PDE7B: variants seen among roughly 807,000 people sequenced by gnomAD.
PDE7B encodes phosphodiesterase 7B.
In PDE7B, 29 loss-of-function variants were observed where a neutral mutation model predicts 56.2. The observed-to-expected ratio is 0.52, with a 90% CI of 0.38 to 0.70. The LOEUF (loss-of-function observed/expected upper bound fraction) is 0.70, where lower values mean the gene tolerates loss of function less well. Ranked by LOEUF, PDE7B falls within the 30% of genes least tolerant of loss-of-function variation. The probability of loss-of-function intolerance (pLI) is 0.00; values close to 1 mark genes in which losing one functional copy is unlikely to be tolerated. For synonymous variants in PDE7B, 197 were observed against 196.9 expected (o/e 1.00, Z 0.00); for missense variants, 490 against 565.0 (o/e 0.87, Z 1.35).
chr6:135,879,971 C>A (rs1281086247), intron 1 of PDE7B, among the ~76,000 whole-genome samples: 3 of 152,074 alleles, frequency 2.0e-5, no homozygotes, highest in African/African-American at 7.2e-5. Context: ...CTATAAATAT[C>A]TACCCCCAAA....
chr6:136,011,133 CT>C (rs1775885742), intron 2 of PDE7B, among the ~76,000 whole-genome samples: 1 of 152,112 alleles, frequency 6.6e-6, no homozygotes, highest in Non-Finnish European at 1.5e-5. Flanking sequence ...TGGGTTTTCA[CT>C]TCTAACTCCC....
At chr6:135,935,050 T>TAGAG (rs1293434603) in intron 1 of PDE7B, among the ~76,000 whole-genome samples, 5 of 68,004 alleles carry the variant, frequency 7.4e-5, no homozygotes, top group African/African-American at 2.7e-4. Flanking sequence ...ATATATTTTA[T>TAGAG]ATAGAGATGA....
intron 1 of PDE7B, among the ~76,000 whole-genome samples, chr6:135,928,446 TATTTATTTATATATA>T (rs1562442793): frequency 3.8e-4 from 44 of 114,504 alleles, no homozygotes; most frequent in African/African-American, 6.1e-4. Context: ...TATATATATA[TATTTATTTATATATA>T]TATTTATTTA....
At chr6:136,182,927 G>T (rs1779089150) in intron 11 of PDE7B, among the ~76,000 whole-genome samples, 1 of 151,960 alleles carries the variant, frequency 6.6e-6, no homozygotes. Flanking sequence ...ACAAAAATCA[G>T]CCGGGCGTGG....
At chr6:135,914,227 T>C (rs1483734406) in intron 1 of PDE7B, among the ~76,000 whole-genome samples, 2 of 152,174 alleles carry the variant, frequency 1.3e-5, no homozygotes, top group African/African-American at 4.8e-5. Flanking sequence ...ACATATAATT[T>C]ATATACATTA....
chr6:135,960,192 A>T (rs1774874649), intron 2 of PDE7B, among the ~76,000 whole-genome samples: 1 of 152,198 alleles, frequency 6.6e-6, no homozygotes, highest in African/African-American at 2.4e-5. Context: ...TTTGACGGAC[A>T]GGTCTCCAAC....
chr6:136,128,360 A>AT (rs1255377681), intron 3 of PDE7B, among the ~76,000 whole-genome samples: 1 of 152,178 alleles, frequency 6.6e-6, no homozygotes, highest in Non-Finnish European at 1.5e-5. Flanking sequence ...AATTTTTTAA[A>AT]TTAATTCTAA....
chr6:136,112,359 A>G (rs1002631005), intron 3 of PDE7B: 1 of 152,140 alleles, frequency 6.6e-6, no homozygotes, highest in African/African-American at 2.4e-5. Context: ...TGGTAAATAA[A>G]ATTTTACTGG....
intron 1 of PDE7B, among the ~76,000 whole-genome samples, chr6:135,927,022 C>T (rs1455531496): frequency 6.6e-6 from 1 of 152,152 alleles, no homozygotes; most frequent in Non-Finnish European, 1.5e-5. Context: ...TCTTCAATAG[C>T]AGCCTATTCA....
intron 12 of PDE7B, among the ~76,000 whole-genome samples, chr6:136,189,999 G>T (rs992492672): frequency 6.6e-6 from 1 of 151,878 alleles, no homozygotes; most frequent in African/African-American, 2.4e-5. Flanking sequence ...TCTTTTTTTC[G>T]AGTTGGATTT....
Position 135,884,778 on chromosome 6 carries a change from G to A in PDE7B, c.21+32759G>A, listed in dbSNP as rs980824970. Among the ~76,000 whole-genome samples, 11 of 152,040 alleles carry A rather than the reference G, an allele frequency of 7.2e-5. 1 individual carries two copies. The highest frequency in any genetic ancestry group is 3.9e-4 in the Admixed American group (6 of 15,270). Reference sequence around the variant, plus strand: ...CTTGTCTCCTTCCACTGCTCTTTTCGTGATCCCTGAACTCAAATCCAGTCT... The same window carrying A: ...CTTGTCTCCTTCCACTGCTCTTTTCATGATCCCTGAACTCAAATCCAGTCT... On this transcript the variant is annotated intron_variant, in intron 1 of 12. Coordinates refer to ENST00000308191, the MANE Select transcript of PDE7B (RefSeq NM_018945.4).
chr6:135,871,217 AT>A (rs1297153075), intron 1 of PDE7B, among the ~76,000 whole-genome samples: 2 of 152,206 alleles, frequency 1.3e-5, no homozygotes, highest in Non-Finnish European at 2.9e-5. Flanking sequence ...TCATTATTAT[AT>A]ATTTTACTTT....
rs1466265656 is a variant in PDE7B, at chr6:135,935,202, A to ATATTTTTATATATATATT, written c.22-12259_22-12258insTTTTATATATATATTTAT. Among the ~76,000 whole-genome samples, 48 of 57,058 alleles carry ATATTTTTATATATATATT rather than the reference A, an allele frequency of 8.4e-4. 1 individual carries two copies. Among genetic ancestry groups the ATATTTTTATATATATATT allele is most frequent in the Non-Finnish European group, 1.2e-3 (35 of 29,344 alleles). 37.4% of individuals were successfully genotyped at this position (57,058 alleles called of 152,430 possible). On this transcript the variant is annotated intron_variant, in intron 1 of 12. Transcript: ENST00000308191. ...TATATATATTTATTTATATATATAT[A>ATATTTTTATATATATATT]TATATATATATATATTTTCATGATT...
At chr6:135,873,121 C>T (rs894333441) in intron 1 of PDE7B, among the ~76,000 whole-genome samples, 12 of 152,126 alleles carry the variant, frequency 7.9e-5, no homozygotes, top group African/African-American at 2.9e-4. Flanking sequence ...GATTTTGAAG[C>T]TGGGTGAGTG....
intron 2 of PDE7B, among the ~76,000 whole-genome samples, chr6:135,974,160 T>A (rs967353168): frequency 1.3e-5 from 2 of 152,202 alleles, no homozygotes. Flanking sequence ...TAACAATAGA[T>A]AACATAGACT....
chr6:136,108,758 G>T lies in PDE7B; in HGVS notation c.110G>T (p.Gly37Val). ...GATATACGACTAAGGGGTCAGACGGGGGTTCGTGCTGAACGCCGTGGCTCC... is the reference window on the plus strand; with the variant it reads ...GATATACGACTAAGGGGTCAGACGGTGGTTCGTGCTGAACGCCGTGGCTCC... ...LGDIRLRGQT[G>V]VRAERRGSYP... Residue 37 changes from glycine to valine, a missense_variant, in exon 3 of 13, where the codon GGG (glycine) becomes GTG (valine). Physicochemically the swap from Gly to Val is moderately radical, Grantham distance 109 (BLOSUM62 -3). Coordinates refer to ENST00000308191, the MANE Select transcript of PDE7B (RefSeq NM_018945.4). 6.2e-7 allele frequency: 1 copy of T among 1,611,838 alleles called. No individual in the cohort carries two copies. Among genetic ancestry groups the T allele is most frequent in the South Asian group, 1.1e-5 (1 of 91,026 alleles).
intron 1 of PDE7B, among the ~76,000 whole-genome samples, chr6:135,902,676 G>GTA (rs1776025783): frequency 6.6e-6 from 1 of 152,072 alleles, no homozygotes; most frequent in Admixed American, 6.6e-5. Flanking sequence ...AATTGATCTT[G>GTA]TATATCATTG....
Position 135,993,320 on chromosome 6 carries a change from T to G in PDE7B, c.82+45796T>G, listed in dbSNP as rs749924454. Among the ~76,000 whole-genome samples the G allele has an allele frequency of 8.5e-5, 13 of 152,238 alleles. 1 individual carries two copies. Among genetic ancestry groups the G allele is most frequent in the Non-Finnish European group, 1.5e-5 (1 of 68,042 alleles). ...TTTCATCTTTCAGAGGAGTGTCTTCTTGGTTCTTAACTCCATCGTTTTCAA... is the reference window on the plus strand; with the variant it reads ...TTTCATCTTTCAGAGGAGTGTCTTCGTGGTTCTTAACTCCATCGTTTTCAA... On this transcript the variant is annotated intron_variant, in intron 2 of 12. Coordinates refer to ENST00000308191, the MANE Select transcript of PDE7B (RefSeq NM_018945.4).
At chr6:135,934,515 T>G (rs1479493318) in intron 1 of PDE7B, among the ~76,000 whole-genome samples, 2 of 151,336 alleles carry the variant, frequency 1.3e-5, no homozygotes, top group East Asian at 3.9e-4. Flanking sequence ...TCACCTGAGG[T>G]CAGGAGTTCG....
Sources: gnomAD v4.1 joint callset for allele counts (sites outside exome capture counted in the v4.1 genomes callset) on GRCh38, gnomAD v4.1.1 for gene constraint, MANE v1.5 for transcripts, NCBI Gene and HGNC (gene_info 2026-07-23, HGNC 2026-07-21) for gene names.